Variants in GALNT5 observed in about 807,000 individuals in gnomAD.
The protein encoded by GALNT5 is polypeptide N-acetylgalactosaminyltransferase 5, also known as UDP-GalNAc:polypeptide N-acetylgalactosaminyltransferase 5.
A neutral mutation model predicts 85.4 loss-of-function variants in GALNT5; 72 were observed. That is an observed-to-expected ratio of 0.84 (90% CI 0.70 to 1.03). GALNT5 has a LOEUF of 1.03. Among genes scored for constraint, GALNT5 ranks in the 50% least tolerant of loss-of-function variants. GALNT5 has a pLI of 0.00. For missense variants in GALNT5, 1,137 were observed against 1,135.5 expected, an observed-to-expected ratio of 1.00 and a Z score of -0.02; for synonymous variants, 404 against 397.0, an observed-to-expected ratio of 1.02 and a Z score of -0.21.
At chr2:157,308,983 A>G (rs1317735356) in intron 9 of GALNT5, among the ~76,000 whole-genome samples, 1 of 152,064 alleles carries the variant, frequency 6.6e-6, no homozygotes, top group Admixed American at 6.6e-5. Flanking sequence ...TTGCATTGCT[A>G]TCATTTGCTT....
At chr2:157,300,270 A>G (rs887657867) in intron 6 of GALNT5, among the ~76,000 whole-genome samples, 3 of 152,202 alleles carry the variant, frequency 2.0e-5, no homozygotes, top group Non-Finnish European at 4.4e-5. Flanking sequence ...GCTGCTGATC[A>G]TGAAGGATGG....
rs540833743 is a variant in GALNT5 at position 157,296,437 on chromosome 2, C to T, written c.1921C>T (p.Pro641Ser). ...DNFQRGIFVWPMNFGWRTIPP... is the reference protein window; with the variant it reads ...DNFQRGIFVWSMNFGWRTIPP... ...CTTTCAAAGAGGCATCTTTGTGTGGCCCATGAACTTTGGTTGGAGAACAAT... is the reference window on the plus strand; with the variant it reads ...CTTTCAAAGAGGCATCTTTGTGTGGTCCATGAACTTTGGTTGGAGAACAAT... The change falls in exon 5 of 10, where the codon CCC (proline) becomes TCC (serine). Residue 641 changes from proline to serine, a missense_variant. Physicochemically the swap from Pro to Ser is moderately conservative, Grantham distance 74. Coordinates refer to ENST00000259056, the MANE Select transcript of GALNT5 (RefSeq NM_014568.3). 1.1e-4 allele frequency: 174 copies of T among 1,607,762 alleles called. 1 individual carries two copies. In the South Asian group the frequency reaches 1.9e-3, roughly 17 times the overall value.
chr2:157,282,371 G>A (rs1682875481), intron 1 of GALNT5, among the ~76,000 whole-genome samples: 1 of 151,998 alleles, frequency 6.6e-6, no homozygotes, highest in Non-Finnish European at 1.5e-5. Context: ...TTATTTGTTT[G>A]TATTTTAAGA....
At chr2:157,299,754 G>A (rs1399189829) in intron 6 of GALNT5, 89 bp downstream of exon 6, 1 of 631,794 alleles carries the variant, frequency 1.6e-6, no homozygotes, top group Non-Finnish European at 2.7e-6. Flanking sequence ...TCAGGTATGT[G>A]ACTGCCACTG....
At position 157,258,004 on chromosome 2, in the gene GALNT5, G is replaced by A. The variant is rs1484794056; in HGVS notation, c.-79G>A. On this transcript the variant is annotated 5_prime_UTR_variant, in exon 1 of 10. Coordinates refer to ENST00000259056, the MANE Select transcript of GALNT5 (RefSeq NM_014568.3). ...TGGCAACTCTGCTGCTGCTGCTGCT[G>A]CTGCTGCTACTTCAGCTTCCTCTCC... The A allele has an allele frequency of 1.3e-6, 2 of 1,500,214 alleles. No homozygotes were observed. The highest frequency in any genetic ancestry group is 1.8e-6 in the Non-Finnish European group (2 of 1,089,596). The allele number at this position is 1,500,214 out of a possible 1,614,324, so 92.9% of individuals were successfully genotyped here. A position where few individuals can be genotyped will look rare whatever the true frequency, so the allele number is the denominator to read the frequency against.
At chr2:157,301,117 A>C in intron 7 of GALNT5, 118 bp downstream of exon 7, 1 of 716,444 alleles carries the variant, frequency 1.4e-6, no homozygotes, top group Admixed American at 2.7e-5. Flanking sequence ...GTATGAGCAA[A>C]GATGGGACAA....
intron 7 of GALNT5, 99 bp downstream of exon 7, chr2:157,301,098 A>G (rs947412230): frequency 1.2e-6 from 1 of 830,524 alleles, no homozygotes; most frequent in African/African-American, 1.7e-5. Context: ...CATTATAAAT[A>G]AACACCAAGT....
chr2:157,289,328 T>C (rs1683043569), intron 3 of GALNT5, among the ~76,000 whole-genome samples: 1 of 152,216 alleles, frequency 6.6e-6, no homozygotes, highest in Non-Finnish European at 1.5e-5. Flanking sequence ...TAAATTCAGA[T>C]TCATTAACAG....
rs1683583446 is a variant in GALNT5, at chr2:157,311,975, A to C, written c.*627A>C. The C allele has an allele frequency of 6.6e-6, 1 of 152,184 alleles. No individual in the cohort carries two copies. The highest frequency in any genetic ancestry group is 2.1e-4 in the South Asian group (1 of 4,830). The allele number at this position is 152,184 out of a possible 1,614,324, so 9.4% of individuals were successfully genotyped here. A position where few individuals can be genotyped will look rare whatever the true frequency, so the allele number is the denominator to read the frequency against. On this transcript the variant is annotated 3_prime_UTR_variant, in exon 10 of 10. Transcript: ENST00000259056. Reference sequence around the variant, plus strand: ...TTTTCCCAATCTGAATCAGTGGAAAAAAATTTAAGTGAGGAAGAAGAGGCC... The same window carrying C: ...TTTTCCCAATCTGAATCAGTGGAAACAAATTTAAGTGAGGAAGAAGAGGCC...
At position 157,295,690 on chromosome 2, in the gene GALNT5, A is replaced by T; in HGVS notation, c.1769A>T (p.His590Leu). 6.2e-7 allele frequency: 1 copy of T among 1,612,996 alleles called. No individual in the cohort carries two copies. The change falls in exon 4 of 10, where the codon CAT (histidine) becomes CTT (leucine). Residue 590 changes from histidine to leucine, a missense_variant. Physicochemically the swap from His to Leu is moderately conservative, Grantham distance 99 (BLOSUM62 -3). Transcript: ENST00000259056. ...TGDVLTFLDS[H>L]VECNVGWLEP... ...GATGTGTTGACATTTTTAGATTCTC[A>T]TGTGGAATGTAACGTTGGTTGGTTG...
At position 157,275,788 on chromosome 2, in the gene GALNT5, T is replaced by A. The variant is rs187127654; in HGVS notation, c.1455-8494T>A. On this transcript the variant is annotated intron_variant, in intron 1 of 9. Coordinates refer to ENST00000259056, the MANE Select transcript of GALNT5 (RefSeq NM_014568.3). Reference sequence around the variant, plus strand: ...ATCTGCAAACAGGGACAATTTGACTTCTTCTTTTCCTAATTGAATACCCTT... The same window carrying A: ...ATCTGCAAACAGGGACAATTTGACTACTTCTTTTCCTAATTGAATACCCTT... Among the ~76,000 whole-genome samples the A allele has an allele frequency of 4.6e-3, 698 of 152,326 alleles. 4 individuals carry two copies. Among genetic ancestry groups the A allele is most frequent in the African/African-American group, 0.016 (659 of 41,560 alleles).
chr2:157,301,398 C>A, intron 7 of GALNT5: 1 of 221,082 alleles, frequency 4.5e-6, no homozygotes, highest in Non-Finnish European at 9.1e-6. Context: ...TTGATGACTC[C>A]TCAGTTAGAG....
rs777499879 is a variant in GALNT5 at position 157,300,825 on chromosome 2, G to A, written c.2265G>A (p.Glu755=). The change falls in exon 7 of 10, where the codon GAG becomes GAA. Residue 755 remains glutamate, a synonymous_variant. Coordinates refer to ENST00000259056, the MANE Select transcript of GALNT5 (RefSeq NM_014568.3). The part of the protein sequence containing the change: ...LVRVAEVWLD[E]YKELFYGHGD... ...GGGTTGCCGAGGTCTGGCTGGATGAGTATAAGGAGCTGTTCTATGGCCACG... is the reference window on the plus strand; with the variant it reads ...GGGTTGCCGAGGTCTGGCTGGATGAATATAAGGAGCTGTTCTATGGCCACG... 2.1e-5 allele frequency: 34 copies of A among 1,613,976 alleles called. No homozygotes were observed. The Admixed American group carries it at 3.7e-4, about 17-fold the overall frequency.
intron 3 of GALNT5, among the ~76,000 whole-genome samples, chr2:157,293,464 G>A (rs6738759): frequency 0.82 from 124,233 of 152,126 alleles, 52,058 homozygotes; most frequent in South Asian, 0.92. Flanking sequence ...GTCATCTTAG[G>A]GTTAGGTTTC....
chr2:157,275,638 G>A lies in GALNT5; in HGVS notation c.1455-8644G>A, dbSNP rs145786072. Among the ~76,000 whole-genome samples, 28 of 152,220 alleles carry A rather than the reference G, an allele frequency of 1.8e-4. No individual in the cohort carries two copies. The East Asian group carries it at 4.8e-3, about 26-fold the overall frequency. On this transcript the variant is annotated intron_variant, in intron 1 of 9. Transcript: ENST00000259056. ...TTGGCTTTCTGTTTGTCTGCTATTCGTGTATAGGAATGCTTGTGATTTCTG... is the reference window on the plus strand; with the variant it reads ...TTGGCTTTCTGTTTGTCTGCTATTCATGTATAGGAATGCTTGTGATTTCTG...
intron 3 of GALNT5, among the ~76,000 whole-genome samples, chr2:157,287,878 A>C (rs2105146892): frequency 6.6e-6 from 1 of 152,340 alleles, no homozygotes; most frequent in East Asian, 1.9e-4. Flanking sequence ...TTTGTGTATT[A>C]ACTGATTGAA....
In GALNT5 at chr2:157,285,965, C is replaced by T. The variant is rs373811533; in HGVS notation, c.1622-50C>T. On this transcript the variant is annotated intron_variant, in intron 2 of 9. Transcript: ENST00000259056. The stretch of plus-strand genomic sequence containing the variant: ...TTTGGGGAGCACTTCTGATACTATC[C>T]GGACTTACTTAATTCAAGTATTTCC... 6.2e-6 allele frequency: 9 copies of T among 1,447,514 alleles called. No homozygotes were observed. In the East Asian group the frequency reaches 7.0e-5, roughly 11 times the overall value. 89.7% of individuals were successfully genotyped at this position (1,447,514 alleles called of 1,614,324 possible).
chr2:157,282,613 A>G (rs1682879811), intron 1 of GALNT5, among the ~76,000 whole-genome samples: 1 of 152,176 alleles, frequency 6.6e-6, no homozygotes, highest in East Asian at 1.9e-4. Flanking sequence ...TTATAGGTAC[A>G]TGTTTAATTT....
At chr2:157,278,003 G>C (rs1682774909) in intron 1 of GALNT5, among the ~76,000 whole-genome samples, 1 of 152,160 alleles carries the variant, frequency 6.6e-6, no homozygotes, top group African/African-American at 2.4e-5. Context: ...AGGAGCTCTT[G>C]TAAGGCAGGC....
Sources: gnomAD v4.1 joint callset for allele counts (sites outside exome capture counted in the v4.1 genomes callset) on GRCh38, gnomAD v4.1.1 for gene constraint, MANE v1.5 for transcripts, NCBI Gene and HGNC (gene_info 2026-07-23, HGNC 2026-07-21) for gene names.